Variants in PNPT1 observed in about 807,000 individuals in gnomAD.
PNPT1 encodes polyribonucleotide nucleotidyltransferase 1, mitochondrial.
A neutral mutation model predicts 119.5 loss-of-function variants in PNPT1; 53 were observed. That is an observed-to-expected ratio of 0.44 (90% CI 0.36 to 0.56). The LOEUF (loss-of-function observed/expected upper bound fraction) is 0.56, where lower values mean the gene tolerates loss of function less well. Among genes scored for constraint, PNPT1 ranks in the 20% least tolerant of loss-of-function variants. The probability of loss-of-function intolerance (pLI) is 0.00; values close to 1 mark genes in which losing one functional copy is unlikely to be tolerated. For missense variants in PNPT1, 948 were observed against 938.5 expected, an observed-to-expected ratio of 1.01 and a Z score of -0.13; for synonymous variants, 357 against 322.1, an observed-to-expected ratio of 1.11 and a Z score of -1.16.
At position 55,652,175 on chromosome 2, in the gene PNPT1, TC is replaced by T. The variant is rs1696231888; in HGVS notation, c.1495+2724del. Among the ~76,000 whole-genome samples the T allele has an allele frequency of 3.5e-4, 40 of 113,338 alleles. No individual in the cohort carries two copies. The Admixed American group carries it at 3.7e-3, about 10-fold the overall frequency. 74.4% of individuals were successfully genotyped at this position (113,338 alleles called of 152,430 possible). ...TTATTACCTCTTCAATCTATTAGTA[TC>T]TTTTTGTTTTCAAACCTTTAAGCTT... is the stretch of plus-strand genomic sequence containing the variant. On this transcript the variant is annotated intron_variant, in intron 18 of 27. Coordinates refer to ENST00000447944, the MANE Select transcript of PNPT1 (RefSeq NM_033109.5).
chr2:55,689,484 G>A (rs563831908), intron 1 of PNPT1, among the ~76,000 whole-genome samples: 1 of 152,204 alleles, frequency 6.6e-6, no homozygotes, highest in Non-Finnish European at 1.5e-5. Context: ...GAATGGATAA[G>A]CTAAATGTGG....
intron 23 of PNPT1, among the ~76,000 whole-genome samples, chr2:55,644,355 A>T (rs1346484820): frequency 6.6e-6 from 1 of 152,234 alleles, no homozygotes; most frequent in Non-Finnish European, 1.5e-5. Context: ...CTCTAAAGTT[A>T]AAAACTAAAA....
chr2:55,650,789 G>A (rs1245006209), intron 18 of PNPT1, among the ~76,000 whole-genome samples: 4 of 149,056 alleles, frequency 2.7e-5, no homozygotes, highest in South Asian at 2.1e-4. Flanking sequence ...CCCTCCGCCC[G>A]GCAGCCGCGC....
chr2:55,661,091 CTTTTT>C (rs1171064705), intron 14 of PNPT1, among the ~76,000 whole-genome samples: 3 of 71,618 alleles, frequency 4.2e-5, no homozygotes, highest in Non-Finnish European at 5.0e-5. Context: ...AATAGAGATT[CTTTTT>C]TTTTTTTTTT....
rs760495516 is a variant in PNPT1 at position 55,660,224 on chromosome 2, T to C, written c.1248-31A>G. On this transcript the variant is annotated intron_variant, in intron 14 of 27. Transcript: ENST00000447944. Reference sequence around the variant, plus strand: ...AATAAAAGGCATAATATTAAAAACATCATAGGGAAAAAACATATTTATTTC... The same window carrying C: ...AATAAAAGGCATAATATTAAAAACACCATAGGGAAAAAACATATTTATTTC... 16 of 1,548,116 alleles carry C rather than the reference T, an allele frequency of 1.0e-5. 1 individual carries two copies. The highest frequency in any genetic ancestry group is 1.4e-5 in the Non-Finnish European group (16 of 1,145,226).
chr2:55,693,140 C>T (rs916625848), intron 1 of PNPT1, among the ~76,000 whole-genome samples: 1 of 152,186 alleles, frequency 6.6e-6, no homozygotes, highest in African/African-American at 2.4e-5. Context: ...GTGAACTGGA[C>T]CTGGTGTTCA....
At chr2:55,639,628 C>T (rs555403245) in intron 26 of PNPT1, among the ~76,000 whole-genome samples, 54 of 152,190 alleles carry the variant, frequency 3.5e-4, no homozygotes, top group South Asian at 6.2e-4. Context: ...ATCATTCTTA[C>T]GGATTTATAA....
At chr2:55,686,250 G>C in intron 3 of PNPT1, 120 bp downstream of exon 3, 1 of 842,296 alleles carries the variant, frequency 1.2e-6, no homozygotes. Context: ...AAAAAACTAG[G>C]AAAAATTCTT....
At chr2:55,677,466 C>T (rs991729076) in intron 8 of PNPT1, among the ~76,000 whole-genome samples, 16 of 151,792 alleles carry the variant, frequency 1.1e-4, no homozygotes, top group African/African-American at 2.9e-4. Flanking sequence ...TGGCGGTGCA[C>T]GCCTATAATC....
chr2:55,645,521 A>T, intron 21 of PNPT1, 89 bp from the exon 22 acceptor site: 1 of 793,196 alleles, frequency 1.3e-6, no homozygotes, highest in Middle Eastern at 2.4e-4. Context: ...ATACAATCTA[A>T]ACCCTGTAGC....
In PNPT1 at chr2:55,647,421, C is replaced by G. The variant is rs879255657; in HGVS notation, c.1528G>C (p.Ala510Pro). ...TCGGTTTTGGTGACCAATCCTATTG[C>G]TACGCCTGCAACAGCAGATGAAATT... ...VPISSAVAGVAIGLVTKTDPE... is the reference protein window; with the variant it reads ...VPISSAVAGVPIGLVTKTDPE... Residue 510 changes from alanine to proline, a missense_variant, in exon 19 of 28, where the codon GCA (alanine) becomes CCA (proline). Physicochemically the swap from Ala to Pro is conservative, Grantham distance 27. Transcript: ENST00000447944. 2.7e-5 allele frequency: 44 copies of G among 1,608,756 alleles called. No individual in the cohort carries two copies. The highest frequency in any genetic ancestry group is 3.6e-5 in the Non-Finnish European group (42 of 1,176,738).
rs565633537 is a variant in PNPT1, at chr2:55,661,706, C to G, written c.1247+250G>C. 4.6e-5 allele frequency among the ~76,000 whole-genome samples: 7 copies of G among 152,244 alleles called. No individual in the cohort carries two copies. In the East Asian group the frequency reaches 1.3e-3, roughly 29 times the overall value. ...CTGTCCTAAGAAATCATTCTAGAGA[C>G]AGAGAACAAACTAAATATACTCACA... On this transcript the variant is annotated intron_variant, in intron 14 of 27. Coordinates refer to ENST00000447944, the MANE Select transcript of PNPT1 (RefSeq NM_033109.5).
intron 8 of PNPT1, among the ~76,000 whole-genome samples, chr2:55,673,740 CT>C (rs1440120995): frequency 6.6e-6 from 1 of 152,122 alleles, no homozygotes; most frequent in African/African-American, 2.4e-5. Flanking sequence ...GCCACTGTGC[CT>C]GGCATCTTTT....
chr2:55,679,433 T>C (rs967143940), intron 8 of PNPT1, among the ~76,000 whole-genome samples: 1 of 152,196 alleles, frequency 6.6e-6, no homozygotes, highest in Non-Finnish European at 1.5e-5. Context: ...AATTAAAATT[T>C]AGTCTAAAAA....
chr2:55,665,828 A>G (rs1156675032), intron 13 of PNPT1, among the ~76,000 whole-genome samples: 1 of 152,234 alleles, frequency 6.6e-6, no homozygotes, highest in African/African-American at 2.4e-5. Flanking sequence ...GAAACAATTA[A>G]TGTGGGAAAG....
chr2:55,672,126 A>G (rs556103220), intron 9 of PNPT1, 80 bp from the exon 10 acceptor site: 1 of 1,047,212 alleles, frequency 9.5e-7, no homozygotes, highest in Admixed American at 2.5e-5. Context: ...AAACTGAAAT[A>G]TTTAATAATA....
At chr2:55,666,278 A>T (rs998383148) in intron 13 of PNPT1, among the ~76,000 whole-genome samples, 12 of 152,176 alleles carry the variant, frequency 7.9e-5, no homozygotes, top group Non-Finnish European at 1.6e-4. Context: ...ATTTTTTAAG[A>T]GACAGGGTCT....
chr2:55,676,262 C>CG (rs1553500528), intron 8 of PNPT1, among the ~76,000 whole-genome samples: 1 of 82,852 alleles, frequency 1.2e-5, no homozygotes, highest in Non-Finnish European at 2.1e-5. Context: ...CCATCTCAAC[C>CG]AAAAAAAAAA....
intron 23 of PNPT1, among the ~76,000 whole-genome samples, 200 bp from the exon 24 acceptor site, chr2:55,643,625 C>T (rs1695904760): frequency 6.6e-6 from 1 of 151,930 alleles, no homozygotes; most frequent in Non-Finnish European, 1.5e-5. Context: ...AGCATGTGCC[C>T]ACCTACTTGG....
Sources: gnomAD v4.1 joint callset for allele counts (sites outside exome capture counted in the v4.1 genomes callset) on GRCh38, gnomAD v4.1.1 for gene constraint, MANE v1.5 for transcripts, NCBI Gene and HGNC (gene_info 2026-07-23, HGNC 2026-07-21) for gene names.